Variants in ARL15 observed in about 807,000 individuals in gnomAD.
ARL15 encodes the protein ARF like GTPase 15, also known as ADP-ribosylation factor-like protein 15.
Under a neutral mutation model 25.2 loss-of-function variants are expected in ARL15, and 19 were observed. The observed-to-expected ratio is 0.75, with a 90% confidence interval of 0.53 to 1.10. The LOEUF (loss-of-function observed/expected upper bound fraction) is 1.10. Among genes scored for constraint, ARL15 ranks in the 50% least tolerant of loss-of-function variants. The pLI is 0.00. For synonymous variants in ARL15, 94 were observed against 86.8 expected (o/e 1.08, Z -0.46); for missense variants, 220 against 246.0 (o/e 0.89, Z 0.71).
At position 54,300,539 on chromosome 5, in the gene ARL15, A is replaced by G. The variant is rs146333140; in HGVS notation, c.48+9893T>C. Among the ~76,000 whole-genome samples, 38 of 152,338 alleles carry G rather than the reference A, an allele frequency of 2.5e-4. No homozygotes were observed. The East Asian group carries it at 6.0e-3, about 24-fold the overall frequency. ...TCAAACCCCGATTCACGAGTAAAATACATTGTTATTGTGTTAAACTATTGT... is the reference window on the plus strand; with the variant it reads ...TCAAACCCCGATTCACGAGTAAAATGCATTGTTATTGTGTTAAACTATTGT... On this transcript the variant is annotated intron_variant, in intron 1 of 4. Transcript: ENST00000504924.
intron 1 of ARL15, among the ~76,000 whole-genome samples, chr5:54,185,868 AATTCAGGGTT>A (rs2112443966): frequency 6.6e-6 from 1 of 152,312 alleles, no homozygotes; most frequent in South Asian, 2.1e-4. Context: ...AATTAAAGAT[AATTCAGGGTT>A]TAGGCTTATT....
chr5:54,286,808 G>A (rs892888722), intron 1 of ARL15, among the ~76,000 whole-genome samples: 3 of 151,196 alleles, frequency 2.0e-5, no homozygotes, highest in Non-Finnish European at 4.4e-5. Context: ...TTTTGACCAG[G>A]CACTGGGAAT....
At chr5:53,912,888 A>G (rs1745511488) in intron 4 of ARL15, among the ~76,000 whole-genome samples, 1 of 152,262 alleles carries the variant, frequency 6.6e-6, no homozygotes, top group Non-Finnish European at 1.5e-5. Context: ...TTACATTCTA[A>G]TGAAGAAAGA....
chr5:54,195,061 T>C (rs551392990), intron 1 of ARL15, among the ~76,000 whole-genome samples: 1 of 152,264 alleles, frequency 6.6e-6, no homozygotes, highest in African/African-American at 2.4e-5. Context: ...ATTCCTTTTG[T>C]CCAACAGGCA....
intron 3 of ARL15, among the ~76,000 whole-genome samples, chr5:54,140,047 A>C (rs919632073): frequency 7.9e-5 from 12 of 152,260 alleles, no homozygotes; most frequent in Middle Eastern, 3.4e-3. Context: ...ACTATATATG[A>C]GTAACAGCAA....
At chr5:54,087,084 C>A (rs948913547) in intron 4 of ARL15, among the ~76,000 whole-genome samples, 1 of 152,080 alleles carries the variant, frequency 6.6e-6, no homozygotes, top group African/African-American at 2.4e-5. Flanking sequence ...CGCCTGTAAT[C>A]GCAGCACTTT....
chr5:54,263,356 TA>T (rs768981563), intron 1 of ARL15, among the ~76,000 whole-genome samples: 17 of 152,086 alleles, frequency 1.1e-4, no homozygotes, highest in Non-Finnish European at 2.5e-4. Flanking sequence ...AAAGATTAGA[TA>T]AAAGTAAGAC....
At chr5:54,123,168 GGTGC>G (rs1753140608) in intron 3 of ARL15, among the ~76,000 whole-genome samples, 1 of 149,534 alleles carries the variant, frequency 6.7e-6, no homozygotes, top group Non-Finnish European at 1.5e-5. Context: ...GGAGTGCAAT[GGTGC>G]CATCTCGGCT....
At chr5:53,888,273 AT>A (rs140260663) in intron 4 of ARL15, among the ~76,000 whole-genome samples, 3 of 151,278 alleles carry the variant, frequency 2.0e-5, no homozygotes, top group Non-Finnish European at 2.9e-5. Flanking sequence ...TTATTTATTT[AT>A]TTTTTTATTT....
intron 4 of ARL15, among the ~76,000 whole-genome samples, chr5:54,038,793 T>C (rs976292100): frequency 6.6e-6 from 1 of 152,174 alleles, no homozygotes; most frequent in Non-Finnish European, 1.5e-5. Flanking sequence ...ATTTGCTGTC[T>C]TTGGAGAAAT....
chr5:54,155,694 ACACACACACG>A (rs1272375309), intron 2 of ARL15, among the ~76,000 whole-genome samples: 2 of 151,796 alleles, frequency 1.3e-5, no homozygotes, highest in Admixed American at 6.6e-5. Flanking sequence ...ACACACACAC[ACACACACACG>A]CACACACACA....
intron 2 of ARL15, among the ~76,000 whole-genome samples, chr5:54,162,947 G>A (rs181482236): frequency 2.9e-4 from 44 of 152,230 alleles, no homozygotes; most frequent in Non-Finnish European, 5.9e-5. Context: ...TTGAATAGAT[G>A]TGGTGAGAAC....
At chr5:54,094,328 T>C (rs1277022480) in intron 4 of ARL15, among the ~76,000 whole-genome samples, 4 of 152,076 alleles carry the variant, frequency 2.6e-5, no homozygotes, top group Non-Finnish European at 5.9e-5. Flanking sequence ...AATTAAATCC[T>C]GTCAGAAGTA....
intron 3 of ARL15, among the ~76,000 whole-genome samples, chr5:54,127,422 C>T (rs955969943): frequency 2.0e-5 from 3 of 151,964 alleles, no homozygotes; most frequent in Non-Finnish European, 2.9e-5. Flanking sequence ...TTCACAATTG[C>T]TTCAAAGAGA....
chr5:53,922,162 TGC>T (rs1450563593), intron 4 of ARL15, among the ~76,000 whole-genome samples: 3 of 152,216 alleles, frequency 2.0e-5, no homozygotes, highest in African/African-American at 7.2e-5. Context: ...TCTTCTGGTA[TGC>T]CTTAGTTTGT....
intron 4 of ARL15, among the ~76,000 whole-genome samples, chr5:53,944,284 A>G (rs1746642109): frequency 6.6e-6 from 1 of 152,126 alleles, no homozygotes; most frequent in Non-Finnish European, 1.5e-5. Flanking sequence ...CTTGAGCAAG[A>G]GACTTGGAAT....
chr5:53,919,887 A>G (rs1198621576), intron 4 of ARL15, among the ~76,000 whole-genome samples: 4 of 152,190 alleles, frequency 2.6e-5, no homozygotes, highest in Admixed American at 1.3e-4. Context: ...CCATTTTCTA[A>G]TCAAGTAATC....
chr5:53,987,197 T>C (rs1469052675), intron 4 of ARL15, among the ~76,000 whole-genome samples: 4 of 152,136 alleles, frequency 2.6e-5, no homozygotes, highest in East Asian at 3.9e-4. Context: ...ATCTTTTTCC[T>C]AGAAGGTACA....
At chr5:54,254,093 CA>C (rs1338233943) in intron 1 of ARL15, among the ~76,000 whole-genome samples, 1 of 152,144 alleles carries the variant, frequency 6.6e-6, no homozygotes, top group Non-Finnish European at 1.5e-5. Flanking sequence ...AATTTTCTTT[CA>C]AAATTAAGAC....
Sources: gnomAD v4.1 joint callset for allele counts (sites outside exome capture counted in the v4.1 genomes callset) on GRCh38, gnomAD v4.1.1 for gene constraint, MANE v1.5 for transcripts, NCBI Gene and HGNC (gene_info 2026-07-23, HGNC 2026-07-21) for gene names.